Variants in CNTNAP2 observed in about 807,000 individuals in gnomAD.
CNTNAP2 encodes the protein contactin associated protein 2, also known as contactin-associated protein-like 2.
Under a neutral mutation model 155.2 loss-of-function variants are expected in CNTNAP2, and 98 were observed. The ratio of observed to expected loss-of-function variants is 0.63; its 90% CI spans 0.54 to 0.75. CNTNAP2 has a LOEUF of 0.75. Ranked by LOEUF, CNTNAP2 falls within the 30% of genes least tolerant of loss-of-function variation. The probability of loss-of-function intolerance (pLI) is 0.00; values close to 1 mark genes in which losing one functional copy is unlikely to be tolerated. For missense variants in CNTNAP2, 1,727 were observed against 1,688.1 expected (o/e 1.02, Z -0.40); for synonymous variants, 651 against 631.2 (o/e 1.03, Z -0.47).
At chr7:148,032,580 AAGGG>A (rs1268127333) in intron 15 of CNTNAP2, among the ~76,000 whole-genome samples, 1 of 152,178 alleles carries the variant, frequency 6.6e-6, no homozygotes, top group Non-Finnish European at 1.5e-5. Context: ...GGAGACACCC[AAGGG>A]AAACGTTCAA....
Position 147,936,080 on chromosome 7 carries a change from A to G in CNTNAP2, c.2255+32359A>G, listed in dbSNP as rs982581680. Among the ~76,000 whole-genome samples, 7 of 152,324 alleles carry G rather than the reference A, an allele frequency of 4.6e-5. No homozygotes were observed. The East Asian group carries it at 1.3e-3, about 29-fold the overall frequency. On this transcript the variant is annotated intron_variant, in intron 14 of 23. Transcript: ENST00000361727. ...AAAAAAGCAAACAAATAAAATAACT[A>G]CACCTATCTTGTACTCTTTAAAATA...
chr7:148,037,833 T>C (rs1282202089), intron 15 of CNTNAP2, among the ~76,000 whole-genome samples: 1 of 152,214 alleles, frequency 6.6e-6, no homozygotes, highest in Non-Finnish European at 1.5e-5. Context: ...TTTACAATGT[T>C]TTGACTTAAA....
chr7:148,072,638 T>G (rs1349388630), intron 15 of CNTNAP2, among the ~76,000 whole-genome samples: 2 of 152,208 alleles, frequency 1.3e-5, no homozygotes, highest in African/African-American at 4.8e-5. Context: ...GTTAACAGAA[T>G]GCTTACTACA....
intron 21 of CNTNAP2, among the ~76,000 whole-genome samples, chr7:148,334,441 C>A (rs531663446): frequency 9.9e-5 from 15 of 152,162 alleles, no homozygotes; most frequent in Non-Finnish European, 1.5e-4. Flanking sequence ...AAATTTGCTA[C>A]ACAATAACTT....
intron 1 of CNTNAP2, among the ~76,000 whole-genome samples, chr7:146,467,303 T>A (rs1229125690): frequency 6.6e-6 from 1 of 152,184 alleles, no homozygotes; most frequent in African/African-American, 2.4e-5. Context: ...AAACCAAGTA[T>A]TTGTGATGGA....
At chr7:146,218,225 A>G (rs757305660) in intron 1 of CNTNAP2, among the ~76,000 whole-genome samples, 7 of 152,070 alleles carry the variant, frequency 4.6e-5, no homozygotes, top group Non-Finnish European at 8.8e-5. Context: ...AAACATTGCC[A>G]TCGGCCGGGC....
intron 13 of CNTNAP2, among the ~76,000 whole-genome samples, chr7:147,746,048 G>A (rs1181676100): frequency 1.3e-5 from 2 of 152,132 alleles, no homozygotes; most frequent in Non-Finnish European, 2.9e-5. Context: ...CAGAATAAAA[G>A]CACACAGGGT....
intron 1 of CNTNAP2, among the ~76,000 whole-genome samples, chr7:146,348,136 C>A (rs1307000776): frequency 6.6e-6 from 1 of 152,128 alleles, no homozygotes; most frequent in African/African-American, 2.4e-5. Flanking sequence ...TACGAAGCCA[C>A]AGGCTGGGCG....
At chr7:146,798,049 G>A (rs1802802458) in intron 2 of CNTNAP2, among the ~76,000 whole-genome samples, 1 of 152,224 alleles carries the variant, frequency 6.6e-6, no homozygotes, top group South Asian at 2.1e-4. Flanking sequence ...TGAGGTGGGA[G>A]GATCACTTGA....
intron 1 of CNTNAP2, among the ~76,000 whole-genome samples, chr7:146,225,587 T>C (rs558832239): frequency 5.3e-5 from 8 of 152,258 alleles, no homozygotes; most frequent in African/African-American, 1.9e-4. Context: ...ACCTTCTACA[T>C]ATTATGTGCC....
At chr7:148,007,514 T>A (rs1585074391) in intron 15 of CNTNAP2, among the ~76,000 whole-genome samples, 1 of 152,136 alleles carries the variant, frequency 6.6e-6, no homozygotes, top group South Asian at 2.1e-4. Context: ...AAATGAAATC[T>A]TTCACCAAAT....
chr7:147,034,176 C>T (rs1368460018), intron 3 of CNTNAP2, among the ~76,000 whole-genome samples: 1 of 152,188 alleles, frequency 6.6e-6, no homozygotes, highest in South Asian at 2.1e-4. Context: ...CATCTGTAAA[C>T]TGTCTTGGTG....
rs1281861306 is a variant in CNTNAP2, at chr7:146,334,719, T to A, written c.97+217746T>A. Among the ~76,000 whole-genome samples the A allele has an allele frequency of 4.6e-5, 7 of 152,332 alleles. No individual in the cohort carries two copies. The South Asian group carries it at 8.3e-4, about 18-fold the overall frequency. On this transcript the variant is annotated intron_variant, in intron 1 of 23. Transcript: ENST00000361727. ...ACCACTTCTGCTCCTCCTCTGCAAGTGTAATGAAGAGGGTATTTCAGTGGA... is the reference window on the plus strand; with the variant it reads ...ACCACTTCTGCTCCTCCTCTGCAAGAGTAATGAAGAGGGTATTTCAGTGGA...
chr7:146,579,960 C>A (rs976240133), intron 1 of CNTNAP2, among the ~76,000 whole-genome samples: 2 of 152,040 alleles, frequency 1.3e-5, no homozygotes, highest in Non-Finnish European at 2.9e-5. Flanking sequence ...TGTAGAAGCT[C>A]ATGATTCTAC....
At chr7:146,739,710 G>A (rs781119034) in intron 1 of CNTNAP2, among the ~76,000 whole-genome samples, 7 of 151,834 alleles carry the variant, frequency 4.6e-5, no homozygotes, top group Non-Finnish European at 1.0e-4. Context: ...TTTTCTGCCT[G>A]GGTGATCTGT....
rs558819471 is a variant in CNTNAP2, at chr7:147,520,458, T to G, written c.1777+34417T>G. 5.8e-4 allele frequency among the ~76,000 whole-genome samples: 88 copies of G among 152,296 alleles called. 2 individuals are homozygous for G. Among genetic ancestry groups the G allele is most frequent in the African/African-American group, 2.0e-3 (83 of 41,570 alleles). ...CTTTCAAGGAAGCTCTAACAACTGGTTATCGCTGAGGTTAGTGTCTCTCAT... is the reference window on the plus strand; with the variant it reads ...CTTTCAAGGAAGCTCTAACAACTGGGTATCGCTGAGGTTAGTGTCTCTCAT... On this transcript the variant is annotated intron_variant, in intron 11 of 23. Transcript: ENST00000361727.
chr7:147,542,237 C>G (rs1016093936), intron 11 of CNTNAP2, among the ~76,000 whole-genome samples: 6 of 151,762 alleles, frequency 4.0e-5, no homozygotes, highest in South Asian at 4.2e-4. Flanking sequence ...AAAGTGATAT[C>G]CTTTTCCTTT....
chr7:147,613,195 A>C (rs1294867786), intron 12 of CNTNAP2, among the ~76,000 whole-genome samples: 1 of 152,212 alleles, frequency 6.6e-6, no homozygotes, highest in Non-Finnish European at 1.5e-5. Flanking sequence ...ACAAACATAA[A>C]ATAAAACCTC....
At chr7:146,757,031 G>T (rs574017981) in intron 1 of CNTNAP2, among the ~76,000 whole-genome samples, 6 of 152,212 alleles carry the variant, frequency 3.9e-5, no homozygotes, top group African/African-American at 1.2e-4. Flanking sequence ...CCTTAAGGAT[G>T]CATCATTTTT....
Sources: gnomAD v4.1 joint callset for allele counts (sites outside exome capture counted in the v4.1 genomes callset) on GRCh38, gnomAD v4.1.1 for gene constraint, MANE v1.5 for transcripts, NCBI Gene and HGNC (gene_info 2026-07-23, HGNC 2026-07-21) for gene names.